Variants in ITPR2 observed in about 807,000 individuals in gnomAD.
ITPR2 encodes inositol 1,4,5-trisphosphate receptor type 2, also known as inositol 1,4,5-trisphosphate-gated calcium channel ITPR2.
In ITPR2, 207 loss-of-function variants were observed where a neutral mutation model predicts 317.1. The ratio of observed to expected loss-of-function variants is 0.65; its 90% CI spans 0.58 to 0.73. The LOEUF is 0.73. Ranked by LOEUF, ITPR2 falls within the 30% of genes least tolerant of loss-of-function variation. The probability of loss-of-function intolerance (pLI) is 0.00; values close to 1 mark genes in which losing one functional copy is unlikely to be tolerated. For missense variants in ITPR2, 2,613 were observed against 3,284.0 expected (o/e 0.80, Z 4.99); for synonymous variants, 1,156 against 1,149.1 (o/e 1.01, Z -0.12).
At chr12:26,451,884 C>T (rs979814755) in intron 45 of ITPR2, among the ~76,000 whole-genome samples, 1 of 152,180 alleles carries the variant, frequency 6.6e-6, no homozygotes, top group Non-Finnish European at 1.5e-5. Context: ...AGTAAGCATG[C>T]TATCTTTGTA....
rs376268185 is a variant in ITPR2 at position 26,657,802 on chromosome 12, G to A, written c.2097C>T (p.Asp699=). 4.3e-6 allele frequency: 7 copies of A among 1,614,036 alleles called. No homozygotes were observed. Among genetic ancestry groups the A allele is most frequent in the Non-Finnish European group, 5.9e-6 (7 of 1,180,012 alleles). The change falls in exon 18 of 57, where the codon GAC becomes GAT. Residue 699 remains aspartate (D), a synonymous_variant. Coordinates refer to ENST00000381340, the MANE Select transcript of ITPR2 (RefSeq NM_002223.4). ...CTTTGCCATGAGGTTCCTTGTTGCT[G>A]TCAATCCAATAGAGCCAAACTTCTT... ...DDEEVWLYWI[D]SNKEPHGKAI... is the part of the protein sequence containing the mutation.
At chr12:26,340,075 A>T in intron 56 of ITPR2, 92 bp downstream of exon 56, 1 of 1,258,872 alleles carries the variant, frequency 7.9e-7, no homozygotes, top group Non-Finnish European at 1.1e-6. Flanking sequence ...CTCTGTGGAT[A>T]ATGACCTGGC....
intron 2 of ITPR2, among the ~76,000 whole-genome samples, chr12:26,742,410 C>T (rs890914475): frequency 6.6e-6 from 1 of 152,164 alleles, no homozygotes; most frequent in African/African-American, 2.4e-5. Flanking sequence ...ATGTTAGGAG[C>T]AGCATTATTC....
chr12:26,390,765 T>TAAC (rs769938096), intron 54 of ITPR2, among the ~76,000 whole-genome samples: 4 of 151,962 alleles, frequency 2.6e-5, no homozygotes, highest in Admixed American at 6.6e-5. Flanking sequence ...ATAGAGCTAT[T>TAAC]AACAACAACA....
chr12:26,524,227 A>G (rs1273619810), intron 37 of ITPR2, among the ~76,000 whole-genome samples: 2 of 152,208 alleles, frequency 1.3e-5, no homozygotes, highest in African/African-American at 2.4e-5. Flanking sequence ...GGAGTTTTCA[A>G]ATTGGGAAGG....
intron 1 of ITPR2, among the ~76,000 whole-genome samples, chr12:26,829,733 T>C (rs1162803128): frequency 1.3e-5 from 2 of 152,094 alleles, no homozygotes; most frequent in Non-Finnish European, 2.9e-5. Flanking sequence ...ACTACAACTG[T>C]CCTTTGAAAA....
At chr12:26,701,054 A>G (rs1948436020) in intron 9 of ITPR2, among the ~76,000 whole-genome samples, 1 of 152,246 alleles carries the variant, frequency 6.6e-6, no homozygotes, top group South Asian at 2.1e-4. Context: ...TAACAGAGAG[A>G]GAATACAGAG....
intron 9 of ITPR2, among the ~76,000 whole-genome samples, chr12:26,708,663 ACAG>A (rs1948597581): frequency 6.6e-6 from 1 of 152,202 alleles, no homozygotes; most frequent in Non-Finnish European, 1.5e-5. Context: ...ATATAGTTCG[ACAG>A]AAGGAGTAAG....
At chr12:26,824,359 T>C (rs1565791022) in intron 1 of ITPR2, among the ~76,000 whole-genome samples, 2 of 152,216 alleles carry the variant, frequency 1.3e-5, no homozygotes, top group Admixed American at 6.5e-5. Context: ...GGTTATCATC[T>C]GTATACATTT....
intron 22 of ITPR2, 79 bp from the exon 23 acceptor site, chr12:26,628,241 A>G (rs933761711): frequency 7.6e-5 from 80 of 1,055,606 alleles, no homozygotes; most frequent in Non-Finnish European, 1.0e-4. Flanking sequence ...CACACCAATA[A>G]CAGTGGAAGT....
At chr12:26,696,950 T>C (rs1948362965) in intron 9 of ITPR2, among the ~76,000 whole-genome samples, 1 of 151,962 alleles carries the variant, frequency 6.6e-6, no homozygotes, top group Non-Finnish European at 1.5e-5. Flanking sequence ...GGGCAGAAAG[T>C]GGAGGGAAAA....
intron 2 of ITPR2, among the ~76,000 whole-genome samples, chr12:26,736,239 T>C (rs973370755): frequency 6.6e-6 from 1 of 152,020 alleles, no homozygotes; most frequent in Non-Finnish European, 1.5e-5. Context: ...GCCTGAGAGG[T>C]CCATGAGGGT....
At chr12:26,695,483 G>A (rs1948323808) in intron 10 of ITPR2, 123 bp downstream of exon 10, 3 of 752,506 alleles carry the variant, frequency 4.0e-6, no homozygotes, top group Non-Finnish European at 6.9e-6. Flanking sequence ...GTGAACCATA[G>A]GCTCTACTCA....
intron 10 of ITPR2, among the ~76,000 whole-genome samples, chr12:26,689,228 G>A (rs1325936747): frequency 2.6e-5 from 4 of 151,984 alleles, no homozygotes; most frequent in African/African-American, 4.8e-5. Flanking sequence ...ACCAGCCTGG[G>A]CAACATGGCG....
In ITPR2 at chr12:26,494,200, T is replaced by C. The variant is rs1341379843; in HGVS notation, c.5323A>G (p.Ile1775Val). 3.1e-6 allele frequency: 5 copies of C among 1,613,284 alleles called. No individual in the cohort carries two copies. The highest frequency in any genetic ancestry group is 1.7e-4 in the Middle Eastern group (1 of 6,054). The change falls in exon 39 of 57, where the codon ATT becomes GTT. Residue 1775 changes from isoleucine to valine, a missense_variant. Around this residue, in one of 9 missense-constraint regions of ITPR2, gnomAD observed 926 missense variants for 1,072.8 expected, o/e 0.86. Transcript: ENST00000381340. ...TKNDRIFSEG[I>V]FLGIALLEGG... ...TCAAGCAAGGCAATGCCGAGGAAAA[T>C]GCCTTCTGAAAAAATTCTGTCATTT...
At chr12:26,736,385 A>G (rs980185214) in intron 2 of ITPR2, among the ~76,000 whole-genome samples, 4 of 152,224 alleles carry the variant, frequency 2.6e-5, no homozygotes, top group Non-Finnish European at 5.9e-5. Context: ...GCAGATTAAA[A>G]TCTAGATTTT....
chr12:26,715,980 C>A, intron 6 of ITPR2, 145 bp from the exon 7 acceptor site: 1 of 725,586 alleles, frequency 1.4e-6, no homozygotes, highest in Non-Finnish European at 2.3e-6. Flanking sequence ...GAGAGACCAT[C>A]CAAAAATAGC....
chr12:26,775,773 A>G (rs955323082), intron 2 of ITPR2, among the ~76,000 whole-genome samples: 3 of 151,670 alleles, frequency 2.0e-5, no homozygotes, highest in African/African-American at 7.3e-5. Context: ...TCCAGCTTAC[A>G]TCTTTCTCCT....
intron 7 of ITPR2, 75 bp downstream of exon 7, chr12:26,715,677 T>C (rs747401373): frequency 1.4e-4 from 139 of 974,348 alleles, no homozygotes; most frequent in Non-Finnish European, 2.0e-4. Context: ...AGTGAATACA[T>C]AGGTTTTGCA....
Sources: gnomAD v4.1 joint callset for allele counts (sites outside exome capture counted in the v4.1 genomes callset) on GRCh38, gnomAD v4.1.1 for gene constraint, gnomAD v4.1.1 regional missense constraint, MANE v1.5 for transcripts, NCBI Gene and HGNC (gene_info 2026-07-23, HGNC 2026-07-21) for gene names.